The following HHLA2 variants were observed in gnomAD, a reference collection of about 807,000 sequenced individuals.
The protein encoded by HHLA2 is HHLA2 member of B7 family, also known as HERV-H LTR-associating protein 2.
A neutral mutation model predicts 45.9 loss-of-function variants in HHLA2; 48 were observed. The observed-to-expected ratio is 1.05, with a 90% CI of 0.83 to 1.33. The LOEUF is 1.33. HHLA2 is among the 40% of genes most tolerant of loss of function. The pLI, the probability that HHLA2 is intolerant of heterozygous loss-of-function variation, is 0.00. For synonymous variants in HHLA2, 161 were observed against 173.9 expected (o/e 0.93, Z 0.59); for missense variants, 462 against 494.3 (o/e 0.93, Z 0.62).
At chr3:108,305,291 G>A (rs2107292573) in intron 1 of HHLA2, among the ~76,000 whole-genome samples, 1 of 152,286 alleles carries the variant, frequency 6.6e-6, no homozygotes, top group African/African-American at 2.4e-5. Flanking sequence ...AAGATGGGCA[G>A]CTTTGTAAAC....
At chr3:108,318,198 T>A (rs1259269499) in intron 2 of HHLA2, among the ~76,000 whole-genome samples, 4 of 142,664 alleles carry the variant, frequency 2.8e-5, no homozygotes, top group Non-Finnish European at 4.7e-5. Flanking sequence ...AAAAAAAAAA[T>A]TCAATATTAG....
intron 1 of HHLA2, among the ~76,000 whole-genome samples, chr3:108,308,126 T>C (rs1286823410): frequency 2.0e-5 from 3 of 152,188 alleles, no homozygotes; most frequent in Non-Finnish European, 4.4e-5. Context: ...AACTATTTTT[T>C]GTACCCATTA....
exon 3 of HHLA2, chr3:108,328,337 C>T (rs1410179556): frequency 3.9e-6 from 6 of 1,530,916 alleles, no homozygotes; most frequent in African/African-American, 1.4e-5. Flanking sequence ...GCCTAGAACG[C>T]ACCTCCTCTG....
chr3:108,301,072 A>C (rs1030424995), intron 1 of HHLA2, among the ~76,000 whole-genome samples: 6 of 152,100 alleles, frequency 3.9e-5, no homozygotes, highest in African/African-American at 1.4e-4. Context: ...TATCTCTTCT[A>C]ATTTATGTCT....
rs142371441 is a variant in HHLA2, at chr3:108,322,265, A to C, written c.-104-6005A>C. Among the ~76,000 whole-genome samples the C allele has an allele frequency of 1.8e-3, 268 of 152,298 alleles. 1 individual carries two copies. The highest frequency in any genetic ancestry group is 3.6e-3 in the African/African-American group (149 of 41,566). ...GCTGGGTCTCTGTGTTCAGCATTAG[A>C]TATCTGTTTGATAAATTAGTCTTAA... is the stretch of plus-strand genomic sequence containing the variant. On this transcript the variant is annotated intron_variant, in intron 2 of 10. Coordinates refer to ENST00000619531, the Ensembl canonical transcript of HHLA2.
intron 8 of HHLA2, among the ~76,000 whole-genome samples, chr3:108,373,407 T>G (rs989947357): frequency 1.3e-5 from 2 of 148,456 alleles, no homozygotes; most frequent in African/African-American, 5.1e-5. Context: ...GCATTCCCTT[T>G]GAAAACTGGT....
At chr3:108,312,902 G>A (rs1207531967) in intron 2 of HHLA2, among the ~76,000 whole-genome samples, 1 of 152,090 alleles carries the variant, frequency 6.6e-6, no homozygotes, top group Admixed American at 6.6e-5. Context: ...TGAAATGGAG[G>A]TTGTGAACAG....
intron 3 of HHLA2, 70 bp from the exon 3 acceptor site, chr3:108,351,718 G>A (rs994033491): frequency 2.3e-6 from 2 of 879,472 alleles, no homozygotes; most frequent in Non-Finnish European, 3.7e-6. Flanking sequence ...TTGTATGAAT[G>A]TACCACTCTT....
intron 1 of HHLA2, among the ~76,000 whole-genome samples, chr3:108,297,887 A>G (rs1189419123): frequency 6.6e-6 from 1 of 152,214 alleles, no homozygotes; most frequent in Non-Finnish European, 1.5e-5. Flanking sequence ...TGACCGGTGT[A>G]GGTCACGTAG....
intron 3 of HHLA2, among the ~76,000 whole-genome samples, chr3:108,344,813 AAAC>A (rs753259733): frequency 6.6e-6 from 1 of 152,122 alleles, no homozygotes; most frequent in East Asian, 1.9e-4. Flanking sequence ...CATTCTTGCT[AAAC>A]AACAACAACA....
chr3:108,299,963 G>A lies in HHLA2; in HGVS notation c.-192+3364G>A, dbSNP rs118127805. Among the ~76,000 whole-genome samples, 79 of 152,250 alleles carry A rather than the reference G, an allele frequency of 5.2e-4. No homozygotes were observed. In the East Asian group the frequency reaches 0.01, roughly 20 times the overall value. ...CTTTATTTTCAGATTCCAGTGTGGC[G>A]AGAAGACGGGAAAATGAGCAACTCT... On this transcript the variant is annotated intron_variant, in intron 1 of 10. Transcript: ENST00000619531.
intron 8 of HHLA2, among the ~76,000 whole-genome samples, chr3:108,370,202 G>T (rs1034379107): frequency 7.2e-5 from 11 of 152,198 alleles, no homozygotes; most frequent in African/African-American, 2.2e-4. Context: ...GGCAAACAGT[G>T]TCTGGGTGGA....
At chr3:108,362,534 G>A in intron 8 of HHLA2, 88 bp downstream of exon 7, 1 of 826,792 alleles carries the variant, frequency 1.2e-6, no homozygotes, top group Non-Finnish European at 1.9e-6. Flanking sequence ...ACAGCTACTG[G>A]GCATGTAATT....
intron 2 of HHLA2, among the ~76,000 whole-genome samples, chr3:108,318,823 C>G (rs977958705): frequency 3.9e-5 from 6 of 152,206 alleles, no homozygotes; most frequent in African/African-American, 1.4e-4. Flanking sequence ...CCATCCTACA[C>G]CATATGGAAG....
At chr3:108,330,663 C>T (rs188178747) in intron 3 of HHLA2, among the ~76,000 whole-genome samples, 40 of 152,074 alleles carry the variant, frequency 2.6e-4, no homozygotes, top group Admixed American at 9.8e-4. Context: ...TCAGTGCTAC[C>T]GCTGCAAGGA....
chr3:108,320,757 T>A (rs2081185679), intron 2 of HHLA2, among the ~76,000 whole-genome samples: 1 of 152,124 alleles, frequency 6.6e-6, no homozygotes, highest in African/African-American at 2.4e-5. Flanking sequence ...GTCTTCTGCA[T>A]CCTGGGACTT....
chr3:108,335,756 G>C (rs143268706), intron 3 of HHLA2, among the ~76,000 whole-genome samples: 1 of 152,048 alleles, frequency 6.6e-6, no homozygotes, highest in Admixed American at 6.6e-5. Context: ...CTGCTGCTTC[G>C]GACTTTCTGA....
In HHLA2 at chr3:108,356,204, A is replaced by AT. The variant is rs540298053; in HGVS notation, c.685+830dup. On this transcript the variant is annotated intron_variant, in intron 6 of 10. Coordinates refer to ENST00000619531, the Ensembl canonical transcript of HHLA2. ...GCCACCACATGTGGCTAATTTTTGT[A>AT]TTTTTTTAGTAGAGACAGGGTTTCA... Among the ~76,000 whole-genome samples, 8 of 151,494 alleles carry AT rather than the reference A, an allele frequency of 5.3e-5. No homozygotes were observed. The South Asian group carries it at 1.3e-3, about 24-fold the overall frequency.
chr3:108,365,009 C>A (rs2082041267), intron 8 of HHLA2, among the ~76,000 whole-genome samples: 1 of 152,172 alleles, frequency 6.6e-6, no homozygotes, highest in East Asian at 1.9e-4. Context: ...AAGTAGATCC[C>A]ATTTGTCAAT....
Sources: gnomAD v4.1 joint callset for allele counts (sites outside exome capture counted in the v4.1 genomes callset) on GRCh38, gnomAD v4.1.1 for gene constraint, MANE v1.5 for transcripts, NCBI Gene and HGNC (gene_info 2026-07-23, HGNC 2026-07-21) for gene names.